WDR36: variants seen among roughly 807,000 people sequenced by gnomAD.
The protein encoded by WDR36 is WD repeat-containing protein 36.
In WDR36, 63 loss-of-function variants were observed where a neutral mutation model predicts 112.7. The observed-to-expected ratio is 0.56, with a 90% CI of 0.46 to 0.69. The LOEUF (loss-of-function observed/expected upper bound fraction) is 0.69, where lower values mean the gene tolerates loss of function less well. Ranked by LOEUF, WDR36 falls within the 30% of genes least tolerant of loss-of-function variation. The pLI is 0.00. For missense variants in WDR36, 1,226 were observed against 1,070.3 expected (o/e 1.15, Z -2.03); for synonymous variants, 410 against 362.2 (o/e 1.13, Z -1.50).
chr5:111,101,225 T>C (rs1168757707), intron 5 of WDR36, among the ~76,000 whole-genome samples: 1 of 151,896 alleles, frequency 6.6e-6, no homozygotes, highest in Non-Finnish European at 1.5e-5. Flanking sequence ...TGGCATGTGA[T>C]CCTGACACAT....
At chr5:111,099,466 T>C (rs1271888083) in intron 4 of WDR36, among the ~76,000 whole-genome samples, 1 of 42,204 alleles carries the variant, frequency 2.4e-5, no homozygotes, top group African/African-American at 8.2e-5. Flanking sequence ...TTTTTTTGTT[T>C]TTTTTTTTTT....
chr5:111,100,195 C>T (rs577043255), intron 4 of WDR36, among the ~76,000 whole-genome samples: 1 of 151,864 alleles, frequency 6.6e-6, no homozygotes, highest in South Asian at 2.1e-4. Context: ...GCTCTTCGTT[C>T]CCTGAAAGAG....
At position 111,125,529 on chromosome 5, in the gene WDR36, TG is replaced by T. The variant is rs1468253606; in HGVS notation, c.2351-75del. The stretch of plus-strand genomic sequence containing the variant: ...CTGTACCATTTAAATATATCCTATT[TG>T]GGGTATAAAAGGAAAACTGTAATTT... On this transcript the variant is annotated intron_variant, in intron 21 of 22. Transcript: ENST00000513710. The T allele has an allele frequency of 3.6e-6, 5 of 1,372,542 alleles. No individual in the cohort carries two copies. The African/African-American group carries it at 5.8e-5, about 16-fold the overall frequency. The allele number at this position is 1,372,542 out of a possible 1,614,324, so 85.0% of individuals were successfully genotyped here.
chr5:111,125,567 T>C (rs1430851227), intron 21 of WDR36, 41 bp from the exon 22 acceptor site: 1 of 1,576,646 alleles, frequency 6.3e-7, no homozygotes, highest in Admixed American at 1.7e-5. Flanking sequence ...CTAAGTTAAA[T>C]GATTATAATC....
intron 10 of WDR36, among the ~76,000 whole-genome samples, 169 bp from the exon 11 acceptor site, chr5:111,105,886 CTT>C (rs1445268832): frequency 4.6e-5 from 7 of 151,400 alleles, no homozygotes; most frequent in Admixed American, 6.6e-5. Context: ...TCTAAAATAA[CTT>C]TTCTTAGAAT....
At position 111,101,530 on chromosome 5, in the gene WDR36, G is replaced by T. The variant is rs1010485255; in HGVS notation, c.542+809G>T. 2.6e-5 allele frequency among the ~76,000 whole-genome samples: 4 copies of T among 151,900 alleles called. No individual in the cohort carries two copies. The East Asian group carries it at 7.7e-4, about 29-fold the overall frequency. On this transcript the variant is annotated intron_variant, in intron 5 of 22. Transcript: ENST00000513710. ...GATATGGCAAATATCTAATATTGAT[G>T]TAGCTAGAGGGCTGGATACATGATT...
rs956918073 is a variant in WDR36 at position 111,127,055 on chromosome 5, G to A, written c.*172G>A. The A allele has an allele frequency of 2.2e-5, 14 of 633,506 alleles. No homozygotes were observed. The highest frequency in any genetic ancestry group is 9.4e-5 in the African/African-American group (5 of 52,980). 39.2% of individuals were successfully genotyped at this position (633,506 alleles called of 1,614,324 possible). A position where few individuals can be genotyped will look rare whatever the true frequency, so the allele number is the denominator to read the frequency against. On this transcript the variant is annotated 3_prime_UTR_variant, in exon 23 of 23. Transcript: ENST00000513710. ...TTCTTGAAATAAAATCGCACCTCCC[G>A]GCCAGGCATGATGGATAATGCCTGT... is the stretch of plus-strand genomic sequence containing the variant.
At chr5:111,106,481 T>C (rs969552616) in intron 11 of WDR36, among the ~76,000 whole-genome samples, 8 of 151,490 alleles carry the variant, frequency 5.3e-5, no homozygotes, top group African/African-American at 1.9e-4. Context: ...GAGCTCTGAC[T>C]AATTAAGATC....
At chr5:111,098,204 G>A (rs1468371232) in intron 3 of WDR36, among the ~76,000 whole-genome samples, 1 of 152,168 alleles carries the variant, frequency 6.6e-6, no homozygotes, top group Non-Finnish European at 1.5e-5. Flanking sequence ...CTGGAATCTA[G>A]TGAGAACTGA....
chr5:111,104,595 C>G, intron 8 of WDR36, 102 bp from the exon 9 acceptor site: 1 of 1,565,782 alleles, frequency 6.4e-7, no homozygotes, highest in Admixed American at 1.7e-5. Context: ...AGTGGCTTAG[C>G]AAGCACTACT....
At position 111,098,830 on chromosome 5, in the gene WDR36, T is replaced by A; in HGVS notation, c.400T>A (p.Tyr134Asn). ...TGGCATTCTTATTATTTGGCACATATATTCAGAAGGTAAGAGTTAACTCAT... is the reference window on the plus strand; with the variant it reads ...TGGCATTCTTATTATTTGGCACATAAATTCAGAAGGTAAGAGTTAACTCAT... ...TDGILIIWHIYSEEEYLQLTF... is the reference protein window; with the variant it reads ...TDGILIIWHINSEEEYLQLTF... The change falls in exon 4 of 23, where the codon TAT (tyrosine) becomes AAT (asparagine). Residue 134 changes from tyrosine (Y) to asparagine (N), a missense_variant. Coordinates refer to ENST00000513710, the MANE Select transcript of WDR36 (RefSeq NM_139281.3). 1 of 1,591,870 alleles carries A rather than the reference T, an allele frequency of 6.3e-7. No homozygotes were observed.
chr5:111,092,355 C>G lies in WDR36; in HGVS notation c.-102C>G, dbSNP rs374180797. 7 of 1,614,220 alleles carry G rather than the reference C, an allele frequency of 4.3e-6. No homozygotes were observed. The African/African-American group carries it at 5.3e-5, about 12-fold the overall frequency. ...GCGGGCGCCGGAAGCGGTGTTGTGT[C>G]TGCAGCTCTGGCAGAGGACTGTTCC... On this transcript the variant is annotated 5_prime_UTR_variant, in exon 1 of 23. Coordinates refer to ENST00000513710, the MANE Select transcript of WDR36 (RefSeq NM_139281.3).
Position 111,106,122 on chromosome 5 carries a change from C to A in WDR36, c.1159C>A (p.Pro387Thr). 6.2e-7 allele frequency: 1 copy of A among 1,609,964 alleles called. No homozygotes were observed. The highest frequency in any genetic ancestry group is 8.5e-7 in the Non-Finnish European group (1 of 1,177,116). ...GAATACCATGTCAGTGAGACTTCCACCCATCACAAAGTTTGCAGCAGGTAA... is the reference window on the plus strand; with the variant it reads ...GAATACCATGTCAGTGAGACTTCCAACCATCACAAAGTTTGCAGCAGGTAA... ...LQNTMSVRLPPITKFAAEEAR... is the reference protein window; with the variant it reads ...LQNTMSVRLPTITKFAAEEAR... The change falls in exon 11 of 23, where the codon CCC (proline) becomes ACC (threonine). Residue 387 changes from proline to threonine, a missense_variant. Coordinates refer to ENST00000513710, the MANE Select transcript of WDR36 (RefSeq NM_139281.3).
rs533342165 is a variant in WDR36 at position 111,127,893 on chromosome 5, G to C, written c.*1010G>C. On this transcript the variant is annotated 3_prime_UTR_variant, in exon 23 of 23. Transcript: ENST00000513710. The stretch of plus-strand genomic sequence containing the variant: ...CACAGCCAAGAATGGGTATTTCAAA[G>C]CCAGGGTTTTTTTTATTTTGTTTTG... 3 of 208,450 alleles carry C rather than the reference G, an allele frequency of 1.4e-5. No homozygotes were observed. Among genetic ancestry groups the C allele is most frequent in the South Asian group, 1.9e-4 (1 of 5,264 alleles). 12.9% of individuals were successfully genotyped at this position (208,450 alleles called of 1,614,324 possible).
intron 15 of WDR36, among the ~76,000 whole-genome samples, chr5:111,112,236 C>T (rs1406852091): frequency 6.6e-6 from 1 of 151,904 alleles, no homozygotes; most frequent in Non-Finnish European, 1.5e-5. Context: ...TTGTATATCT[C>T]GAGTTTCCCT....
At position 111,129,795 on chromosome 5, in the gene WDR36, A is replaced by G; in HGVS notation, c.*2912A>G. On this transcript the variant is annotated 3_prime_UTR_variant, in exon 23 of 23. Coordinates refer to ENST00000513710, the MANE Select transcript of WDR36 (RefSeq NM_139281.3). ...ACAGTGTATGTTTTCCTATGTTTAC[A>G]TGTGCTCATTTCACGTCATGTATTT... 1 of 204,670 alleles carries G rather than the reference A, an allele frequency of 4.9e-6. No individual in the cohort carries two copies. The highest frequency in any genetic ancestry group is 7.6e-5 in the East Asian group (1 of 13,178). The allele number at this position is 204,670 out of a possible 1,614,324, so 12.7% of individuals were successfully genotyped here. A position where few individuals can be genotyped will look rare whatever the true frequency, so the allele number is the denominator to read the frequency against.
Position 111,092,504 on chromosome 5 carries a change from G to A in WDR36, c.48G>A (p.Gly16=). Residue 16 remains glycine, a synonymous_variant, in exon 1 of 23, where the codon GGG becomes GGA. Coordinates refer to ENST00000513710, the MANE Select transcript of WDR36 (RefSeq NM_139281.3). ...ERRTASALFA[G]FRALGLFSND... ...GCACGGCCAGCGCGCTTTTTGCGGG[G>A]TTCCGGGCCTTGGGACTTTTCAGCA... The A allele has an allele frequency of 1.9e-6, 3 of 1,614,248 alleles. No homozygotes were observed. Among genetic ancestry groups the A allele is most frequent in the South Asian group, 1.1e-5 (1 of 91,086 alleles).
At chr5:111,121,205 C>T in intron 19 of WDR36, 64 bp downstream of exon 19, 1 of 1,576,250 alleles carries the variant, frequency 6.3e-7, no homozygotes, top group Non-Finnish European at 8.7e-7. Flanking sequence ...TTTTTTTAAG[C>T]AGAGAGAACT....
Position 111,129,576 on chromosome 5 carries a change from CAT to C in WDR36, c.*2694_*2695del. 1 of 204,006 alleles carries C rather than the reference CAT, an allele frequency of 4.9e-6. No homozygotes were observed. The highest frequency in any genetic ancestry group is 7.6e-5 in the East Asian group (1 of 13,212). 12.6% of individuals were successfully genotyped at this position (204,006 alleles called of 1,614,324 possible). ...TATTGAATGATTTGTCCTTTTATCTCATGGATTTGTTAGGAGTTCTCTTGTAT... is the reference window on the plus strand; with the variant it reads ...TATTGAATGATTTGTCCTTTTATCTCGGATTTGTTAGGAGTTCTCTTGTAT... On this transcript the variant is annotated 3_prime_UTR_variant, in exon 23 of 23. Transcript: ENST00000513710.
Sources: allele counts gnomAD v4.1 joint callset (sites outside exome capture counted in the v4.1 genomes callset), GRCh38; gene constraint gnomAD v4.1.1; transcripts MANE v1.5; gene names NCBI Gene and HGNC (gene_info 2026-07-23, HGNC 2026-07-21).